Variants in AGBL1 observed in about 807,000 individuals in gnomAD.
AGBL1 encodes the protein AGBL carboxypeptidase 1.
Under a neutral mutation model 118.9 loss-of-function variants are expected in AGBL1, and 130 were observed. The ratio of observed to expected loss-of-function variants is 1.09; its 90% CI spans 0.95 to 1.26. AGBL1 has a LOEUF of 1.26. Ranked by LOEUF, AGBL1 falls within the 50% of genes most tolerant of loss-of-function variation. The pLI is 0.00. For synonymous variants in AGBL1, 555 were observed against 478.9 expected (o/e 1.16, Z -2.08); for missense variants, 1,584 against 1,298.1 (o/e 1.22, Z -3.38).
At chr15:86,226,877 G>A (rs1413123013) in intron 6 of AGBL1, among the ~76,000 whole-genome samples, 1 of 152,164 alleles carries the variant, frequency 6.6e-6, no homozygotes, top group African/African-American at 2.4e-5. Flanking sequence ...TGATTACATT[G>A]TGATGAAATT....
chr15:86,378,327 G>A (rs548466514), intron 17 of AGBL1, among the ~76,000 whole-genome samples: 8 of 151,976 alleles, frequency 5.3e-5, no homozygotes, highest in Non-Finnish European at 7.4e-5. Flanking sequence ...TCCCTTTCCC[G>A]TCAATGCTGA....
At chr15:86,885,890 A>G (rs2079962358) in intron 22 of AGBL1, among the ~76,000 whole-genome samples, 1 of 152,234 alleles carries the variant, frequency 6.6e-6, no homozygotes, top group Non-Finnish European at 1.5e-5. Context: ...TTTTGCTCTT[A>G]CAACAAAAAG....
At chr15:86,276,750 C>A (rs1467815401) in intron 15 of AGBL1, among the ~76,000 whole-genome samples, 1 of 152,192 alleles carries the variant, frequency 6.6e-6, no homozygotes, top group Non-Finnish European at 1.5e-5. Flanking sequence ...AAAGCAAGAA[C>A]ATGGGAACAA....
At chr15:86,391,640 G>GTTTTTTTTTTTTTTTTTTTT (rs751427467) in intron 17 of AGBL1, among the ~76,000 whole-genome samples, 7 of 73,784 alleles carry the variant, frequency 9.5e-5, no homozygotes, top group African/African-American at 1.1e-4. Context: ...GTTGTTGTTG[G>GTTTTTTTTTTTTTTTTTTTT]TTTTTTTTTT....
At chr15:86,204,939 GT>G (rs1387864101) in intron 5 of AGBL1, among the ~76,000 whole-genome samples, 1 of 152,106 alleles carries the variant, frequency 6.6e-6, no homozygotes, top group Non-Finnish European at 1.5e-5. Context: ...AAAGTCCATA[GT>G]TTACATCAGA....
At chr15:86,095,736 G>A (rs887078069) in intron 1 of AGBL1, among the ~76,000 whole-genome samples, 2 of 148,628 alleles carry the variant, frequency 1.3e-5, no homozygotes, top group African/African-American at 5.0e-5. Context: ...ACTCTCTGTG[G>A]TTGGGGGGAT....
intron 1 of AGBL1, among the ~76,000 whole-genome samples, chr15:86,107,008 T>G (rs1897091653): frequency 6.6e-6 from 1 of 152,166 alleles, no homozygotes; most frequent in Non-Finnish European, 1.5e-5. Flanking sequence ...GACACACGCC[T>G]GGAGGAGAAG....
At chr15:86,135,354 CTTCTT>C (rs1338686284) in intron 1 of AGBL1, among the ~76,000 whole-genome samples, 2 of 152,176 alleles carry the variant, frequency 1.3e-5, no homozygotes, top group African/African-American at 4.8e-5. Flanking sequence ...GCCAAACAAA[CTTCTT>C]TTCTTTATAA....
chr15:86,626,002 A>C (rs1023025164), intron 21 of AGBL1, among the ~76,000 whole-genome samples: 8 of 152,216 alleles, frequency 5.3e-5, no homozygotes, highest in Non-Finnish European at 1.5e-5. Context: ...GAGTATCAAC[A>C]GGTAATAACA....
At chr15:86,812,678 A>G (rs904695220) in intron 22 of AGBL1, among the ~76,000 whole-genome samples, 1 of 152,012 alleles carries the variant, frequency 6.6e-6, no homozygotes, top group African/African-American at 2.4e-5. Context: ...ATGCACACAG[A>G]TCCCCCTGCC....
intron 18 of AGBL1, among the ~76,000 whole-genome samples, chr15:86,480,351 A>G (rs1311627825): frequency 6.6e-6 from 1 of 152,130 alleles, no homozygotes; most frequent in Non-Finnish European, 1.5e-5. Context: ...CAATTTAAAA[A>G]AAGTTTTACT....
intron 22 of AGBL1, among the ~76,000 whole-genome samples, chr15:86,677,713 T>C (rs575680683): frequency 6.6e-6 from 1 of 152,348 alleles, no homozygotes; most frequent in South Asian, 2.1e-4. Flanking sequence ...TATAGTCCTG[T>C]TGCTTTAGCC....
At chr15:86,240,798 G>A (rs906030427) in intron 6 of AGBL1, among the ~76,000 whole-genome samples, 3 of 152,102 alleles carry the variant, frequency 2.0e-5, no homozygotes, top group African/African-American at 4.8e-5. Context: ...AATATGTCAC[G>A]GTACTCTGTA....
In AGBL1 at chr15:86,637,913, A is replaced by C. The variant is rs543705505; in HGVS notation, c.2995-36360A>C. Among the ~76,000 whole-genome samples the C allele has an allele frequency of 6.6e-5, 10 of 152,296 alleles. No individual in the cohort carries two copies. In the South Asian group the frequency reaches 2.1e-3, roughly 32 times the overall value. On this transcript the variant is annotated intron_variant, in intron 21 of 22. Transcript: ENST00000614907. Reference sequence around the variant, plus strand: ...CAAAGAGGGAGATGGTGTTTGGAAAATATTAATTTGCAATTTGTTTTCCCA... The same window carrying C: ...CAAAGAGGGAGATGGTGTTTGGAAACTATTAATTTGCAATTTGTTTTCCCA...
intron 22 of AGBL1, among the ~76,000 whole-genome samples, chr15:86,853,993 A>G (rs915902389): frequency 5.9e-5 from 9 of 152,176 alleles, no homozygotes; most frequent in African/African-American, 2.2e-4. Flanking sequence ...AAAAGTGGAA[A>G]GGACAGCAAT....
intron 6 of AGBL1, among the ~76,000 whole-genome samples, chr15:86,227,669 C>T (rs1388391288): frequency 6.6e-6 from 1 of 152,224 alleles, no homozygotes; most frequent in Non-Finnish European, 1.5e-5. Flanking sequence ...TTCAAAGTTT[C>T]AAAAGACCCC....
chr15:86,500,455 A>G (rs976146640), intron 18 of AGBL1, among the ~76,000 whole-genome samples: 1 of 151,830 alleles, frequency 6.6e-6, no homozygotes, highest in African/African-American at 2.4e-5. Context: ...TGTATGGACT[A>G]TTTGGAATAT....
At chr15:86,285,678 G>A (rs1201297603) in intron 16 of AGBL1, among the ~76,000 whole-genome samples, 1 of 152,120 alleles carries the variant, frequency 6.6e-6, no homozygotes, top group African/African-American at 2.4e-5. Context: ...CATGAGAATG[G>A]ACTAATACAG....
intron 6 of AGBL1, among the ~76,000 whole-genome samples, chr15:86,225,887 C>G (rs1367443999): frequency 1.3e-5 from 2 of 152,100 alleles, no homozygotes; most frequent in African/African-American, 4.8e-5. Context: ...GAGAAAGAGC[C>G]AAATCACATG....
Sources: allele counts gnomAD v4.1 joint callset (sites outside exome capture counted in the v4.1 genomes callset), GRCh38; gene constraint gnomAD v4.1.1; transcripts MANE v1.5; gene names NCBI Gene and HGNC (gene_info 2026-07-23, HGNC 2026-07-21).